CAMSAP1: variants seen among roughly 807,000 people sequenced by gnomAD.
CAMSAP1 encodes calmodulin regulated spectrin associated protein 1, also known as calmodulin-regulated spectrin-associated protein 1.
A neutral mutation model predicts 143.5 loss-of-function variants in CAMSAP1; 58 were observed. The ratio of observed to expected loss-of-function variants is 0.40; its 90% CI spans 0.33 to 0.50. CAMSAP1 has a LOEUF of 0.50. Ranked by LOEUF, CAMSAP1 falls within the 20% of genes least tolerant of loss-of-function variation. The pLI, the probability that CAMSAP1 is intolerant of heterozygous loss-of-function variation, is 0.45. For synonymous variants in CAMSAP1, 945 were observed against 859.3 expected, an observed-to-expected ratio of 1.10 and a Z score of -1.74; for missense variants, 1,969 against 2,115.7, an observed-to-expected ratio of 0.93 and a Z score of 1.36.
intron 1 of CAMSAP1, among the ~76,000 whole-genome samples, chr9:135,898,659 C>T (rs1259040251): frequency 1.3e-5 from 2 of 152,152 alleles, no homozygotes; most frequent in Admixed American, 6.5e-5. Context: ...CATACAAAAA[C>T]CACGGTGAGA....
chr9:135,893,935 A>G (rs1838367577), intron 1 of CAMSAP1, among the ~76,000 whole-genome samples: 1 of 152,164 alleles, frequency 6.6e-6, no homozygotes, highest in Non-Finnish European at 1.5e-5. Context: ...TGGAAGAGGA[A>G]AGCAAACTGG....
At position 135,824,301 on chromosome 9, in the gene CAMSAP1, C is replaced by T. The variant is rs1054069336; in HGVS notation, c.1316-267G>A. ...CTACACAGAAGGTAATTGCTCTCAACGATATTTTCACTGCAAGACTATACA... is the reference window on the plus strand; with the variant it reads ...CTACACAGAAGGTAATTGCTCTCAATGATATTTTCACTGCAAGACTATACA... On this transcript the variant is annotated intron_variant, in intron 9 of 16. Coordinates refer to ENST00000389532, the MANE Select transcript of CAMSAP1 (RefSeq NM_015447.4). The surrounding 1 kb of genome is among the most constrained non-coding windows in gnomAD (Gnocchi z 4.1). Among the ~76,000 whole-genome samples, 10 of 152,164 alleles carry T rather than the reference C, an allele frequency of 6.6e-5. No homozygotes were observed. The highest frequency in any genetic ancestry group is 3.8e-4 in the East Asian group (2 of 5,196).
chr9:135,875,970 T>C (rs2130967740), intron 3 of CAMSAP1, among the ~76,000 whole-genome samples: 1 of 152,308 alleles, frequency 6.6e-6, no homozygotes, highest in South Asian at 2.1e-4. Context: ...CCTTTGCTTG[T>C]TTTTTGAAAC....
chr9:135,870,990 A>G (rs1588491196), intron 3 of CAMSAP1, among the ~76,000 whole-genome samples: 1 of 152,228 alleles, frequency 6.6e-6, no homozygotes, highest in East Asian at 1.9e-4. Flanking sequence ...AGATTTGCAT[A>G]CTTCTCAGAA....
In CAMSAP1 at chr9:135,821,992, C is replaced by CT. The variant is rs749759305; in HGVS notation, c.2668dup (p.Arg890LysfsTer97). On this transcript the variant is annotated frameshift_variant, in exon 11 of 17. Coordinates refer to ENST00000389532, the MANE Select transcript of CAMSAP1 (RefSeq NM_015447.4). LOFTEE classifies it high-confidence loss of function. This position sits in a 1 kb window ranked among gnomAD's most constrained non-coding sequence, Gnocchi z 4.6. ...CTTCTTCTTCTGGGCCTCGATGGCC[C>CT]TGCGCTTCTCCTCCAGCTGCATGTG... is the stretch of plus-strand genomic sequence containing the variant. 6.2e-7 allele frequency: 1 copy of CT among 1,613,110 alleles called. No homozygotes were observed. Among genetic ancestry groups the CT allele is most frequent in the Non-Finnish European group, 8.5e-7 (1 of 1,179,714 alleles).
At position 135,814,968 on chromosome 9, in the gene CAMSAP1, T is replaced by C. The variant is rs574246095; in HGVS notation, c.4506+129A>G. ...CCACCTGCCTGGAACGGCCTCTTCC[T>C]TGAAATCTGCATTCTCCCTAGTAAC... On this transcript the variant is annotated intron_variant, in intron 16 of 16. Coordinates refer to ENST00000389532, the MANE Select transcript of CAMSAP1 (RefSeq NM_015447.4). 186 of 723,748 alleles carry C rather than the reference T, an allele frequency of 2.6e-4. 1 individual carries two copies. The South Asian group carries it at 3.4e-3, about 13-fold the overall frequency. The allele number at this position is 723,748 out of a possible 1,614,324, so 44.8% of individuals were successfully genotyped here.
chr9:135,906,026 C>T (rs1342741808), intron 1 of CAMSAP1, among the ~76,000 whole-genome samples: 2 of 152,272 alleles, frequency 1.3e-5, no homozygotes, highest in Non-Finnish European at 2.9e-5. Context: ...ACTACTTACA[C>T]AGTACAAAAA....
chr9:135,812,385 T>C (rs1377366975), intron 16 of CAMSAP1, among the ~76,000 whole-genome samples: 2 of 152,042 alleles, frequency 1.3e-5, no homozygotes, highest in Admixed American at 6.6e-5. Context: ...CCTCAGAGCA[T>C]CACGCTAAGT....
At position 135,826,187 on chromosome 9, in the gene CAMSAP1, G is replaced by C. The variant is rs986450424; in HGVS notation, c.1223+1220C>G. The C allele has an allele frequency of 1.5e-5, 2 of 132,268 alleles. No individual in the cohort carries two copies. Among genetic ancestry groups the C allele is most frequent in the Non-Finnish European group, 1.7e-5 (1 of 60,252 alleles). The allele number at this position is 132,268 out of a possible 1,614,324, so 8.2% of individuals were successfully genotyped here. A position where few individuals can be genotyped will look rare whatever the true frequency, so the allele number is the denominator to read the frequency against. ...CAGGTCACAGAGCAGCGTGTACACG[G>C]GCACCAGCACACACACACACACACA... On this transcript the variant is annotated intron_variant, in intron 8 of 16. Transcript: ENST00000389532. The surrounding 1 kb of genome is among the most constrained non-coding windows in gnomAD (Gnocchi z 4.4).
intron 7 of CAMSAP1, among the ~76,000 whole-genome samples, chr9:135,829,004 A>G (rs971903297): frequency 1.3e-5 from 2 of 152,236 alleles, no homozygotes; most frequent in South Asian, 4.1e-4. Context: ...CCGGACAAAC[A>G]AAAGTTGAGG....
chr9:135,817,237 CTG>C (rs1835262022), intron 14 of CAMSAP1, among the ~76,000 whole-genome samples: 1 of 152,202 alleles, frequency 6.6e-6, no homozygotes, highest in Non-Finnish European at 1.5e-5. Flanking sequence ...CTTGGGATAA[CTG>C]AGGACAGCTG....
chr9:135,859,247 G>C (rs1232978339), intron 5 of CAMSAP1, among the ~76,000 whole-genome samples: 1 of 152,224 alleles, frequency 6.6e-6, no homozygotes, highest in Non-Finnish European at 1.5e-5. Flanking sequence ...TTTACTGTCT[G>C]TAAGTGAGCA....
At chr9:135,830,409 A>G (rs970150576) in intron 7 of CAMSAP1, among the ~76,000 whole-genome samples, 9 of 152,264 alleles carry the variant, frequency 5.9e-5, no homozygotes, top group Non-Finnish European at 1.3e-4. Context: ...GAAAGCAGGC[A>G]TGGCTATACT....
chr9:135,901,648 G>C (rs1172717356), intron 1 of CAMSAP1, among the ~76,000 whole-genome samples: 3 of 151,986 alleles, frequency 2.0e-5, no homozygotes, highest in Admixed American at 2.0e-4. Context: ...CAAGTCTTTG[G>C]CATTTCCAGC....
chr9:135,884,918 G>A (rs1838076186), intron 1 of CAMSAP1, among the ~76,000 whole-genome samples: 1 of 152,230 alleles, frequency 6.6e-6, no homozygotes, highest in Non-Finnish European at 1.5e-5. Flanking sequence ...ATGGGCCGTG[G>A]AGGGAAGTCA....
rs1836156404 is a variant in CAMSAP1 at position 135,837,989 on chromosome 9, T to C, written c.1046-10405A>G. On this transcript the variant is annotated intron_variant, in intron 7 of 16. Coordinates refer to ENST00000389532, the MANE Select transcript of CAMSAP1 (RefSeq NM_015447.4). ...TCTACAGACACACATCATCACACGCTTTCTACCCCTTCTACAGACACACGT... is the reference window on the plus strand; with the variant it reads ...TCTACAGACACACATCATCACACGCCTTCTACCCCTTCTACAGACACACGT... Among the ~76,000 whole-genome samples, 2 of 148,618 alleles carry C rather than the reference T, an allele frequency of 1.3e-5. 1 individual carries two copies. The highest frequency in any genetic ancestry group is 4.3e-4 in the South Asian group (2 of 4,664).
intron 3 of CAMSAP1, among the ~76,000 whole-genome samples, chr9:135,873,288 A>G (rs1837625822): frequency 6.6e-6 from 1 of 152,218 alleles, no homozygotes; most frequent in Non-Finnish European, 1.5e-5. Context: ...ATGATGAAAG[A>G]CATGGCCTAT....
chr9:135,881,669 G>A lies in CAMSAP1; in HGVS notation c.549C>T (p.Tyr183=), dbSNP rs1227991005. ...AGAACACCATGGCATCCTCGAGGTC[G>A]TACGGAAGTTCTTTCGAGGCACTGA... ...STFSASKELP[Y]DLEDAMVFWI... Residue 183 remains tyrosine, a synonymous_variant, in exon 3 of 17, where the codon TAC becomes TAT. Coordinates refer to ENST00000389532, the MANE Select transcript of CAMSAP1 (RefSeq NM_015447.4). The A allele has an allele frequency of 1.7e-5, 27 of 1,551,594 alleles. No homozygotes were observed. Among genetic ancestry groups the A allele is most frequent in the East Asian group, 7.3e-5 (3 of 40,918 alleles).
intron 16 of CAMSAP1, among the ~76,000 whole-genome samples, chr9:135,813,819 G>A (rs1835136169): frequency 6.6e-6 from 1 of 152,238 alleles, no homozygotes; most frequent in Admixed American, 6.5e-5. Flanking sequence ...CAGGGAGTGT[G>A]CCTTGTGACC....
Sources: allele counts gnomAD v4.1 joint callset (sites outside exome capture counted in the v4.1 genomes callset), GRCh38; gene constraint gnomAD v4.1.1; non-coding constraint Gnocchi (gnomAD v3.1); transcripts MANE v1.5; gene names NCBI Gene and HGNC (gene_info 2026-07-23, HGNC 2026-07-21).